The following PELI3 variants were observed in gnomAD, a reference collection of about 807,000 sequenced individuals.
PELI3 encodes the protein E3 ubiquitin-protein ligase pellino homolog 3.
A neutral mutation model predicts 35.5 loss-of-function variants in PELI3; 19 were observed. The observed-to-expected ratio is 0.54, with a 90% CI of 0.37 to 0.79. The LOEUF (loss-of-function observed/expected upper bound fraction) is 0.79, where lower values mean the gene tolerates loss of function less well. Ranked by LOEUF, PELI3 falls within the 30% of genes least tolerant of loss-of-function variation. The pLI is 0.00. For missense variants in PELI3, 490 were observed against 661.2 expected (o/e 0.74, Z 2.84); for synonymous variants, 262 against 279.2 (o/e 0.94, Z 0.62).
intron 5 of PELI3, 53 bp downstream of exon 5, chr11:66,472,523 C>T (rs1854760384): frequency 6.8e-7 from 1 of 1,474,714 alleles, no homozygotes; most frequent in South Asian, 1.1e-5. Context: ...CTAGGCTCTG[C>T]AAGCATTTCA....
chr11:66,469,798 TTTTTTG>T (rs1199678600), intron 3 of PELI3, among the ~76,000 whole-genome samples: 2 of 143,220 alleles, frequency 1.4e-5, no homozygotes, highest in East Asian at 2.0e-4. Context: ...TCTGTTTTTT[TTTTTTG>T]TTTTTTTTTT....
chr11:66,466,856 G>C (rs1226469096), upstream of PELI3: 2 of 152,060 alleles, frequency 1.3e-5, no homozygotes, highest in Admixed American at 1.3e-4. Context: ...CTCCGGACAG[G>C]GGGCGGAGCG....
In PELI3 at chr11:66,474,066, C is replaced by T. The variant is rs778686620; in HGVS notation, c.840+141C>T. 6.9e-5 allele frequency: 77 copies of T among 1,123,682 alleles called. No homozygotes were observed. In the South Asian group the frequency reaches 9.6e-4, roughly 14 times the overall value. 69.6% of individuals were successfully genotyped at this position (1,123,682 alleles called of 1,614,324 possible). A position where few individuals can be genotyped will look rare whatever the true frequency, so the allele number is the denominator to read the frequency against. ...AGGCTCCATATCAGGGAATCCCAGGCCCAGGGGGTTCTTAGCATGAGCCAC... is the reference window on the plus strand; with the variant it reads ...AGGCTCCATATCAGGGAATCCCAGGTCCAGGGGGTTCTTAGCATGAGCCAC... On this transcript the variant is annotated intron_variant, in intron 7 of 7. Transcript: ENST00000320740.
chr11:66,475,449 C>T (rs988442301), intron 7 of PELI3, 149 bp from the exon 8 acceptor site: 4 of 716,088 alleles, frequency 5.6e-6, no homozygotes, highest in Non-Finnish European at 9.1e-6. Context: ...GATGCACCTG[C>T]CTGCCCACTT....
rs913175821 is a variant in PELI3, at chr11:66,467,827, G to A, written c.-1-301G>A. ...CGGCCCCCAACTCATTGGGTGCCCC[G>A]CTTTGAAGCACATCCCAGACTGGGA... On this transcript the variant is annotated intron_variant, in intron 1 of 7. Transcript: ENST00000320740. This position sits in a 1 kb window ranked among gnomAD's most constrained non-coding sequence, Gnocchi z 4.2. 6.6e-6 allele frequency among the ~76,000 whole-genome samples: 1 copy of A among 152,186 alleles called. No individual in the cohort carries two copies. The highest frequency in any genetic ancestry group is 2.1e-4 in the South Asian group (1 of 4,832).
intron 3 of PELI3, 50 bp from the exon 4 acceptor site, chr11:66,471,192 T>TTC (rs762655438): frequency 1.9e-6 from 3 of 1,555,932 alleles, no homozygotes; most frequent in Non-Finnish European, 2.6e-6. Flanking sequence ...CTTTCTCTCT[T>TTC]TCTCTCTCTC....
chr11:66,468,909 G>A lies in PELI3; in HGVS notation c.224+5G>A. 1.3e-6 allele frequency: 1 copy of A among 763,240 alleles called. No individual in the cohort carries two copies. Among genetic ancestry groups the A allele is most frequent in the Non-Finnish European group, 2.4e-6 (1 of 408,528 alleles). 47.3% of individuals were successfully genotyped at this position (763,240 alleles called of 1,614,324 possible). On this transcript the variant is annotated splice_donor_5th_base_variant and intron_variant, in intron 3 of 7. Coordinates refer to ENST00000320740, the MANE Select transcript of PELI3 (RefSeq NM_145065.3). ...TGGCCCAAGGGCACACAGCTGGTAA[G>A]TGGCAGGGCTGGGATTTGGACCCAG...
In PELI3 at chr11:66,476,584, G is replaced by A. The variant is rs1245621510; in HGVS notation, c.*417G>A. Reference sequence around the variant, plus strand: ...CCTTCATCCTTCCTGCTGCCGCCCTGGGTTCCTCTATAAACCTCGCTGCTC... The same window carrying A: ...CCTTCATCCTTCCTGCTGCCGCCCTAGGTTCCTCTATAAACCTCGCTGCTC... On this transcript the variant is annotated 3_prime_UTR_variant, in exon 8 of 8. Transcript: ENST00000320740. The A allele has an allele frequency of 4.8e-6, 1 of 208,948 alleles. No homozygotes were observed. The highest frequency in any genetic ancestry group is 2.4e-5 in the African/African-American group (1 of 42,454). 12.9% of individuals were successfully genotyped at this position (208,948 alleles called of 1,614,324 possible).
At position 66,477,218 on chromosome 11, in the gene PELI3, G is replaced by A. The variant is rs1439094824; in HGVS notation, c.*1051G>A. 1 of 152,210 alleles carries A rather than the reference G, an allele frequency of 6.6e-6. No homozygotes were observed. The highest frequency in any genetic ancestry group is 1.5e-5 in the Non-Finnish European group (1 of 68,110). 9.4% of individuals were successfully genotyped at this position (152,210 alleles called of 1,614,324 possible). On this transcript the variant is annotated 3_prime_UTR_variant, in exon 8 of 8. Transcript: ENST00000320740. ...AGGAGTCAACAAAGGGAGGAGAGAG[G>A]ACTCACTGGTCAAGAGTGTCGGCTG...
chr11:66,469,622 G>T (rs988280253), intron 3 of PELI3, among the ~76,000 whole-genome samples: 7 of 152,212 alleles, frequency 4.6e-5, no homozygotes, highest in Non-Finnish European at 8.8e-5. Context: ...GGCCACTAAT[G>T]TGGGAGGCTG....
At chr11:66,468,325 C>T (rs1280041001) in intron 2 of PELI3, 45 bp downstream of exon 2, 1 of 1,409,462 alleles carries the variant, frequency 7.1e-7, no homozygotes, top group Non-Finnish European at 9.3e-7. Context: ...AGACACCCAC[C>T]CAACGCAGCC....
At chr11:66,466,658 GA>G (rs1422410073), upstream of PELI3, 1 of 152,058 alleles carries the variant, frequency 6.6e-6, no homozygotes, top group African/African-American at 2.4e-5. Context: ...AGCCGGCTAG[GA>G]GGGGCAAGGG....
In PELI3 at chr11:66,473,525, C is replaced by A; in HGVS notation, c.651+90C>A. ...CAGCATCTTGAGGTGATGAACCAGC[C>A]CACAGTAATCCAAATGGTGGTCCTG... On this transcript the variant is annotated intron_variant, in intron 6 of 7. Coordinates refer to ENST00000320740, the MANE Select transcript of PELI3 (RefSeq NM_145065.3). The surrounding 1 kb of genome is among the most constrained non-coding windows in gnomAD (Gnocchi z 5.8). The A allele has an allele frequency of 7.1e-7, 1 of 1,418,004 alleles. No homozygotes were observed. Among genetic ancestry groups the A allele is most frequent in the Non-Finnish European group, 9.5e-7 (1 of 1,057,586 alleles). The allele number at this position is 1,418,004 out of a possible 1,614,324, so 87.8% of individuals were successfully genotyped here.
rs537933878 is a variant in PELI3 at position 66,473,936 on chromosome 11, C to T, written c.840+11C>T. ...CAGCGGGGCAAGCTGGTAGGTGGCC[C>T]GCTCCATTCCCCACCCCTATCCTTG... On this transcript the variant is annotated intron_variant, in intron 7 of 7. Coordinates refer to ENST00000320740, the MANE Select transcript of PELI3 (RefSeq NM_145065.3). This position sits in a 1 kb window ranked among gnomAD's most constrained non-coding sequence, Gnocchi z 5.8. 1.8e-5 allele frequency: 29 copies of T among 1,612,070 alleles called. No individual in the cohort carries two copies. In the Admixed American group the frequency reaches 1.8e-4, roughly 10 times the overall value.
At chr11:66,475,418 G>C (rs562410997) in intron 7 of PELI3, among the ~76,000 whole-genome samples, 180 bp from the exon 8 acceptor site, 2 of 152,332 alleles carry the variant, frequency 1.3e-5, no homozygotes, top group South Asian at 2.1e-4. Context: ...CCGTTGGGAG[G>C]GGGGATCAGC....
intron 3 of PELI3, 101 bp from the exon 4 acceptor site, chr11:66,471,141 C>T: frequency 7.0e-7 from 1 of 1,418,476 alleles, no homozygotes; most frequent in Non-Finnish European, 9.7e-7. Context: ...TAGGATCTGC[C>T]TAGAAGTTGG....
At chr11:66,471,815 T>G (rs1854728862) in intron 4 of PELI3, among the ~76,000 whole-genome samples, 1 of 152,098 alleles carries the variant, frequency 6.6e-6, no homozygotes, top group African/African-American at 2.4e-5. Flanking sequence ...TAGGCCAGTT[T>G]CTCTCTGACC....
chr11:66,473,398 C>A lies in PELI3; in HGVS notation c.614C>A (p.Ala205Asp). The change falls in exon 6 of 8, where the codon GCC becomes GAC. Residue 205 changes from alanine to aspartate, a missense_variant. Around this residue, in one of 3 missense-constraint regions of PELI3, gnomAD observed 349 missense variants for 484.8 expected, o/e 0.72. Coordinates refer to ENST00000320740, the MANE Select transcript of PELI3 (RefSeq NM_145065.3). The surrounding 1 kb of genome is among the most constrained non-coding windows in gnomAD (Gnocchi z 5.8). ...CCACCCTATACTGCCCGCATCTATG[C>A]CGCTGGCTTCGATGCCTCTAGCAAC... is the stretch of plus-strand genomic sequence containing the variant. ...RRPPYTARIY[A>D]AGFDASSNIF... 1 of 1,613,464 alleles carries A rather than the reference C, an allele frequency of 6.2e-7. No homozygotes were observed. The highest frequency in any genetic ancestry group is 8.5e-7 in the Non-Finnish European group (1 of 1,179,892).
chr11:66,471,225 ACCC>A lies in PELI3; in HGVS notation c.225-14_225-12del, dbSNP rs751172298. 6.2e-7 allele frequency: 1 copy of A among 1,602,360 alleles called. No homozygotes were observed. Among genetic ancestry groups the A allele is most frequent in the Admixed American group, 1.7e-5 (1 of 59,450 alleles). On this transcript the variant is annotated splice_polypyrimidine_tract_variant and intron_variant, in intron 3 of 7. Coordinates refer to ENST00000320740, the MANE Select transcript of PELI3 (RefSeq NM_145065.3). Reference sequence around the variant, plus strand: ...CTCCTCTTGCAACCCCTTCTTCTTAACCCCCGACATCTACAGCTACAATGGTTG... The same window carrying A: ...CTCCTCTTGCAACCCCTTCTTCTTAACCGACATCTACAGCTACAATGGTTG...
Sources: allele counts gnomAD v4.1 joint callset (sites outside exome capture counted in the v4.1 genomes callset), GRCh38; gene constraint gnomAD v4.1.1; regional missense constraint gnomAD v4.1.1; non-coding constraint Gnocchi (gnomAD v3.1); transcripts MANE v1.5; gene names NCBI Gene and HGNC (gene_info 2026-07-23, HGNC 2026-07-21).